Variants in GRID2 observed in about 807,000 individuals in gnomAD.
GRID2 encodes the protein glutamate ionotropic receptor delta type subunit 2, also known as glutamate receptor ionotropic, delta-2.
GRID2 carries 33 observed loss-of-function variants against 114.8 expected under a neutral mutation model. That is an observed-to-expected ratio of 0.29 (90% confidence interval 0.22 to 0.38). The LOEUF (loss-of-function observed/expected upper bound fraction) is 0.38, where lower values mean the gene tolerates loss of function less well. Ranked by LOEUF, GRID2 falls within the 10% of genes least tolerant of loss-of-function variation. The pLI is 1.00. For missense variants in GRID2, 1,184 were observed against 1,257.7 expected (o/e 0.94, Z 0.89); for synonymous variants, 505 against 449.9 (o/e 1.12, Z -1.55).
Position 92,755,158 on chromosome 4 carries a change from C to T in GRID2, c.244+164872C>T, listed in dbSNP as rs542294690. ...CTACACGTCAAATATGGGCATCAGA[C>T]TGGCTTTCTGGCTTTTGACTGAACT... is the stretch of plus-strand genomic sequence containing the variant. On this transcript the variant is annotated intron_variant, in intron 2 of 15. Coordinates refer to ENST00000282020, the MANE Select transcript of GRID2 (RefSeq NM_001510.4). Among the ~76,000 whole-genome samples the T allele has an allele frequency of 3.9e-5, 6 of 152,156 alleles. No homozygotes were observed. In the East Asian group the frequency reaches 9.6e-4, roughly 24 times the overall value.
intron 12 of GRID2, among the ~76,000 whole-genome samples, chr4:93,512,809 T>A (rs1048674624): frequency 6.6e-6 from 1 of 152,188 alleles, no homozygotes; most frequent in East Asian, 1.9e-4. Context: ...TAAAACTCTA[T>A]ATTTTCAGGC....
chr4:93,401,185 A>G (rs1765848948), intron 9 of GRID2, among the ~76,000 whole-genome samples: 1 of 151,122 alleles, frequency 6.6e-6, no homozygotes, highest in African/African-American at 2.5e-5. Flanking sequence ...ACTGCAGTGC[A>G]GTTGTTCTCC....
At chr4:93,802,364 C>G (rs2110367935) in intron 1 of GRID2, among the ~76,000 whole-genome samples, 1 of 151,946 alleles carries the variant, frequency 6.6e-6, no homozygotes, top group Non-Finnish European at 1.5e-5. Context: ...GACTTTGACT[C>G]TATGTGTGAG....
chr4:92,540,705 C>G (rs1725895307), intron 1 of GRID2, among the ~76,000 whole-genome samples: 1 of 152,148 alleles, frequency 6.6e-6, no homozygotes, highest in Non-Finnish European at 1.5e-5. Context: ...GGACTATAAA[C>G]TAGTTCAACC....
intron 12 of GRID2, among the ~76,000 whole-genome samples, chr4:93,499,719 C>T (rs1727918165): frequency 1.3e-5 from 2 of 151,928 alleles, no homozygotes; most frequent in African/African-American, 2.4e-5. Flanking sequence ...TAGAGTGCCT[C>T]TCAGAGTACC....
At chr4:92,564,661 C>T (rs184631725) in intron 1 of GRID2, among the ~76,000 whole-genome samples, 3 of 151,980 alleles carry the variant, frequency 2.0e-5, no homozygotes, top group African/African-American at 4.8e-5. Context: ...GTGCTCTCTT[C>T]GGCAGTACAT....
chr4:92,830,301 T>C lies in GRID2; in HGVS notation c.244+240015T>C, dbSNP rs796805588. Among the ~76,000 whole-genome samples, 3 of 151,894 alleles carry C rather than the reference T, an allele frequency of 2.0e-5. No individual in the cohort carries two copies. The South Asian group carries it at 6.2e-4, about 32-fold the overall frequency. On this transcript the variant is annotated intron_variant, in intron 2 of 15. Coordinates refer to ENST00000282020, the MANE Select transcript of GRID2 (RefSeq NM_001510.4). The stretch of plus-strand genomic sequence containing the variant: ...ACAACTGGGATTTACATTGTTTTTT[T>C]TTTTTTTATTCTGAAAGACTCCTTA...
chr4:93,438,463 A>T (rs2149388626), intron 10 of GRID2, among the ~76,000 whole-genome samples: 1 of 152,258 alleles, frequency 6.6e-6, no homozygotes, highest in Non-Finnish European at 1.5e-5. Flanking sequence ...TAGCCAGTAC[A>T]AATTATAAAA....
rs564514569 is a variant in GRID2 at position 92,792,605 on chromosome 4, C to G, written c.244+202319C>G. Among the ~76,000 whole-genome samples the G allele has an allele frequency of 3.3e-5, 5 of 151,328 alleles. No homozygotes were observed. In the East Asian group the frequency reaches 9.8e-4, roughly 30 times the overall value. ...GAATCCTTGGCACTGAATTGTAGAC[C>G]CATATGGTTCTTGGAGATATGGTCT... On this transcript the variant is annotated intron_variant, in intron 2 of 15. Coordinates refer to ENST00000282020, the MANE Select transcript of GRID2 (RefSeq NM_001510.4).
At chr4:92,455,549 G>A (rs138395946) in intron 1 of GRID2, among the ~76,000 whole-genome samples, 1 of 152,106 alleles carries the variant, frequency 6.6e-6, no homozygotes, top group Admixed American at 6.6e-5. Flanking sequence ...AGGTGTGAGC[G>A]AGAGGGAAAC....
intron 1 of GRID2, among the ~76,000 whole-genome samples, chr4:92,339,270 A>G (rs1251205223): frequency 6.6e-6 from 1 of 152,114 alleles, no homozygotes; most frequent in African/African-American, 2.4e-5. Context: ...TGTTCTATCT[A>G]TGTTGCTGCT....
At chr4:93,590,025 T>C (rs1430835516) in intron 13 of GRID2, among the ~76,000 whole-genome samples, 14 of 150,734 alleles carry the variant, frequency 9.3e-5, no homozygotes, top group Admixed American at 5.3e-4. Context: ...CTGATGGTAG[T>C]TTCTTTTGCT....
chr4:93,275,196 T>C (rs2149575838), intron 8 of GRID2, among the ~76,000 whole-genome samples: 1 of 152,050 alleles, frequency 6.6e-6, no homozygotes, highest in Non-Finnish European at 1.5e-5. Context: ...CTTCATTCAC[T>C]TACTATTATA....
intron 2 of GRID2, among the ~76,000 whole-genome samples, chr4:93,038,605 A>G (rs570890080): frequency 1.3e-5 from 2 of 152,200 alleles, no homozygotes; most frequent in East Asian, 1.9e-4. Flanking sequence ...CCTGGCTAAC[A>G]TGGTGAAACC....
intron 2 of GRID2, among the ~76,000 whole-genome samples, chr4:92,761,130 AG>A (rs1438255887): frequency 6.6e-6 from 1 of 152,036 alleles, no homozygotes; most frequent in East Asian, 1.9e-4. Flanking sequence ...AGTAAGAAAA[AG>A]GTTTTCTGGG....
At chr4:92,569,968 A>G (rs890324114) in intron 1 of GRID2, among the ~76,000 whole-genome samples, 1 of 152,018 alleles carries the variant, frequency 6.6e-6, no homozygotes, top group Non-Finnish European at 1.5e-5. Context: ...GTTTAATTAG[A>G]TCCCATCTGT....
intron 2 of GRID2, among the ~76,000 whole-genome samples, chr4:93,000,429 C>T (rs964240736): frequency 9.9e-5 from 15 of 151,430 alleles, no homozygotes; most frequent in Non-Finnish European, 1.9e-4. Flanking sequence ...TGTTGCTGCC[C>T]TCTTGCCCTT....
intron 1 of GRID2, among the ~76,000 whole-genome samples, chr4:92,509,749 G>C (rs1386971897): frequency 6.6e-6 from 1 of 151,920 alleles, no homozygotes; most frequent in Non-Finnish European, 1.5e-5. Context: ...TTTGAGTAAA[G>C]AGCATTGTGG....
intron 2 of GRID2, among the ~76,000 whole-genome samples, chr4:92,682,384 G>A (rs1457840879): frequency 6.6e-6 from 1 of 152,174 alleles, no homozygotes; most frequent in Non-Finnish European, 1.5e-5. Context: ...ACCAGCAACA[G>A]CACCATCACC....
Sources: gnomAD v4.1 joint callset for allele counts (sites outside exome capture counted in the v4.1 genomes callset) on GRCh38, gnomAD v4.1.1 for gene constraint, MANE v1.5 for transcripts, NCBI Gene and HGNC (gene_info 2026-07-23, HGNC 2026-07-21) for gene names.